Variants in NPAS3 observed in about 807,000 individuals in gnomAD.
NPAS3 encodes the protein neuronal PAS domain protein 3.
A neutral mutation model predicts 73.1 loss-of-function variants in NPAS3; 14 were observed. The ratio of observed to expected loss-of-function variants is 0.19; its 90% CI spans 0.13 to 0.30. NPAS3 has a LOEUF of 0.30. Among genes scored for constraint, NPAS3 ranks in the 10% least tolerant of loss-of-function variants. The probability of loss-of-function intolerance (pLI) is 1.00; values close to 1 mark genes in which losing one functional copy is unlikely to be tolerated. For synonymous variants in NPAS3, 620 were observed against 541.5 expected, an observed-to-expected ratio of 1.14 and a Z score of -2.01; for missense variants, 1,096 against 1,250.0, an observed-to-expected ratio of 0.88 and a Z score of 1.86.
chr14:33,711,265 A>C (rs535903623), intron 6 of NPAS3, among the ~76,000 whole-genome samples: 2 of 152,242 alleles, frequency 1.3e-5, no homozygotes, highest in Non-Finnish European at 2.9e-5. Context: ...ATCTATTTTG[A>C]ATTCAGCATG....
intron 6 of NPAS3, among the ~76,000 whole-genome samples, chr14:33,687,900 T>C (rs1419936653): frequency 6.6e-6 from 1 of 152,234 alleles, no homozygotes; most frequent in African/African-American, 2.4e-5. Flanking sequence ...AAAAATTTTC[T>C]GCAGAAAGAT....
intron 4 of NPAS3, among the ~76,000 whole-genome samples, chr14:33,377,229 T>C (rs1370557937): frequency 6.6e-6 from 1 of 152,202 alleles, no homozygotes; most frequent in Non-Finnish European, 1.5e-5. Context: ...AATACTCTCA[T>C]TGGCAACTTA....
At chr14:33,683,758 A>C (rs995256777) in intron 6 of NPAS3, among the ~76,000 whole-genome samples, 1 of 152,234 alleles carries the variant, frequency 6.6e-6, no homozygotes, top group African/African-American at 2.4e-5. Flanking sequence ...AATACTGGAA[A>C]TATTGCTTCT....
At chr14:33,613,492 G>C (rs1595278522) in intron 5 of NPAS3, among the ~76,000 whole-genome samples, 1 of 152,176 alleles carries the variant, frequency 6.6e-6, no homozygotes, top group South Asian at 2.1e-4. Flanking sequence ...TGGACAATTT[G>C]CAACCTCCTA....
Position 33,800,238 on chromosome 14 carries a change from C to T in NPAS3, c.1931C>T (p.Ser644Leu), listed in dbSNP as rs758175188. ...CTGCTGTCCTCCCCCAACAGTGCCT[C>T]GGTGCTCAAGATCAAGACGGAGATC... The change falls in exon 12 of 12, where the codon TCG (serine) becomes TTG (leucine). Residue 644 changes from serine (S) to leucine (L), a missense_variant. Around this residue, in one of 5 missense-constraint regions of NPAS3, gnomAD observed 698 missense variants for 676.7 expected, o/e 1.03. Transcript: ENST00000356141. This position sits in a 1 kb window ranked among gnomAD's most constrained non-coding sequence, Gnocchi z 6.5. 2 of 1,613,074 alleles carry T rather than the reference C, an allele frequency of 1.2e-6. No homozygotes were observed. The highest frequency in any genetic ancestry group is 1.7e-6 in the Non-Finnish European group (2 of 1,179,626).
intron 3 of NPAS3, among the ~76,000 whole-genome samples, chr14:33,270,440 G>A (rs1397952760): frequency 1.3e-5 from 2 of 152,156 alleles, no homozygotes; most frequent in African/African-American, 4.8e-5. Context: ...TATTAACAGT[G>A]TAGTATGAAT....
chr14:33,458,163 G>A (rs1175211947), intron 4 of NPAS3, among the ~76,000 whole-genome samples: 5 of 152,180 alleles, frequency 3.3e-5, no homozygotes, highest in Non-Finnish European at 7.4e-5. Flanking sequence ...ATTTGCTCAA[G>A]AAAAGTTCCT....
chr14:33,665,528 T>TAACTC (rs1209980372), intron 5 of NPAS3, among the ~76,000 whole-genome samples: 1 of 152,184 alleles, frequency 6.6e-6, no homozygotes, highest in East Asian at 1.9e-4. Context: ...GCATTGTTTG[T>TAACTC]AACTCAAAGG....
intron 7 of NPAS3, among the ~76,000 whole-genome samples, chr14:33,773,937 G>A (rs1446979218): frequency 6.6e-6 from 1 of 152,192 alleles, no homozygotes; most frequent in Non-Finnish European, 1.5e-5. Flanking sequence ...GAAAGGAGAT[G>A]GCCATGTAAT....
At chr14:33,472,505 A>G (rs751879836) in intron 4 of NPAS3, among the ~76,000 whole-genome samples, 1 of 152,160 alleles carries the variant, frequency 6.6e-6, no homozygotes, top group Non-Finnish European at 1.5e-5. Context: ...AAAAAGAATC[A>G]CCTCTAACTG....
chr14:33,222,999 G>T (rs996966498), intron 3 of NPAS3, among the ~76,000 whole-genome samples: 1 of 152,060 alleles, frequency 6.6e-6, no homozygotes, highest in Non-Finnish European at 1.5e-5. Flanking sequence ...CCATCAACGT[G>T]GTTCTCCGTG....
chr14:33,544,825 A>ATATATTAATATATATATATATAAT, intron 4 of NPAS3, among the ~76,000 whole-genome samples: 1 of 112,188 alleles, frequency 8.9e-6, no homozygotes, highest in Non-Finnish European at 1.7e-5. Flanking sequence ...TATATAATAT[A>ATATATTAATATATATATATATAAT]TATGTGTATA....
At chr14:33,534,610 A>G (rs150668722) in intron 4 of NPAS3, among the ~76,000 whole-genome samples, 14 of 152,260 alleles carry the variant, frequency 9.2e-5, no homozygotes, top group African/African-American at 3.1e-4. Flanking sequence ...GCTACCTCCT[A>G]TATATGTATA....
At chr14:33,681,607 T>TATATCTACATATAG (rs1555312243) in intron 6 of NPAS3, among the ~76,000 whole-genome samples, 13 of 152,222 alleles carry the variant, frequency 8.5e-5, no homozygotes, top group African/African-American at 3.1e-4. Context: ...TTATTGCCAA[T>TATATCTACATATAG]ATATCTACAT....
chr14:33,525,696 T>C lies in NPAS3; in HGVS notation c.469-34425T>C, dbSNP rs1435963418. ...TCCAGAAGGGAGAAGCTTTGAGAAG[T>C]CTTCAAGTTGTAGGACACATAAAAC... On this transcript the variant is annotated intron_variant, in intron 4 of 11. Transcript: ENST00000356141. Among the ~76,000 whole-genome samples, 5 of 152,032 alleles carry C rather than the reference T, an allele frequency of 3.3e-5. No homozygotes were observed. In the East Asian group the frequency reaches 5.8e-4, roughly 18 times the overall value.
At chr14:33,235,664 TCTA>T (rs1162918521) in intron 3 of NPAS3, among the ~76,000 whole-genome samples, 2 of 152,060 alleles carry the variant, frequency 1.3e-5, no homozygotes, top group East Asian at 3.9e-4. Context: ...TTAGTCCAAA[TCTA>T]CTGTCATTCT....
At chr14:33,070,999 A>G (rs2041466674) in intron 2 of NPAS3, among the ~76,000 whole-genome samples, 1 of 152,152 alleles carries the variant, frequency 6.6e-6, no homozygotes, top group African/African-American at 2.4e-5. Context: ...TTTTGCTCTT[A>G]TTAGTATGTA....
chr14:33,394,722 G>T (rs2047150522), intron 4 of NPAS3, among the ~76,000 whole-genome samples: 1 of 152,058 alleles, frequency 6.6e-6, no homozygotes, highest in Non-Finnish European at 1.5e-5. Flanking sequence ...TTAGATTTTT[G>T]AAGTCAGTTG....
chr14:33,158,687 C>T (rs1276741306), intron 2 of NPAS3, among the ~76,000 whole-genome samples: 2 of 152,230 alleles, frequency 1.3e-5, no homozygotes, highest in African/African-American at 4.8e-5. Flanking sequence ...AGTGAAAGAA[C>T]AGTCCCAGAA....
Sources: gnomAD v4.1 joint callset for allele counts (sites outside exome capture counted in the v4.1 genomes callset) on GRCh38, gnomAD v4.1.1 for gene constraint, gnomAD v4.1.1 regional missense constraint, Gnocchi (gnomAD v3.1) non-coding constraint, MANE v1.5 for transcripts, NCBI Gene and HGNC (gene_info 2026-07-23, HGNC 2026-07-21) for gene names.